EPB41L5: variants seen among roughly 807,000 people sequenced by gnomAD.
EPB41L5 encodes the protein erythrocyte membrane protein band 4.1 like 5.
Under a neutral mutation model 106.6 loss-of-function variants are expected in EPB41L5, and 55 were observed. That is an observed-to-expected ratio of 0.52 (90% CI 0.42 to 0.65). EPB41L5 has a LOEUF of 0.65. Among genes scored for constraint, EPB41L5 ranks in the 30% least tolerant of loss-of-function variants. EPB41L5 has a pLI of 0.00. For missense variants in EPB41L5, 871 were observed against 882.1 expected (o/e 0.99, Z 0.16); for synonymous variants, 297 against 306.7 (o/e 0.97, Z 0.33).
intron 24 of EPB41L5, among the ~76,000 whole-genome samples, chr2:120,172,566 G>T (rs1266015477): frequency 6.6e-6 from 1 of 152,154 alleles, no homozygotes; most frequent in Non-Finnish European, 1.5e-5. Context: ...TGTGAGATTA[G>T]AATACATTTT....
At chr2:120,030,662 T>C (rs998124592) in intron 2 of EPB41L5, among the ~76,000 whole-genome samples, 1 of 152,064 alleles carries the variant, frequency 6.6e-6, no homozygotes, top group Admixed American at 6.6e-5. Flanking sequence ...CAAGTGATTC[T>C]CCTGCCTCAG....
intron 16 of EPB41L5, among the ~76,000 whole-genome samples, chr2:120,101,106 G>C (rs1419868302): frequency 1.3e-5 from 2 of 152,174 alleles, no homozygotes; most frequent in African/African-American, 2.4e-5. Flanking sequence ...AGCTTGATGT[G>C]GTAGTGGTGG....
At chr2:120,162,367 C>A (rs1250933477) in intron 21 of EPB41L5, among the ~76,000 whole-genome samples, 1 of 152,202 alleles carries the variant, frequency 6.6e-6, no homozygotes, top group Non-Finnish European at 1.5e-5. Context: ...TGAACACTTA[C>A]CATTTGTCTT....
In EPB41L5 at chr2:120,070,520, CACA is replaced by C. The variant is rs564915828; in HGVS notation, c.286-2644_286-2642del. On this transcript the variant is annotated intron_variant, in intron 3 of 24. Transcript: ENST00000263713. ...TCCTGTTACCAAAACCTGGCAGAGA[CACA>C]ACAACAACAACAAAAGAAAATTTCA... 1.3e-3 allele frequency among the ~76,000 whole-genome samples: 198 copies of C among 152,214 alleles called. 1 individual carries two copies. Among genetic ancestry groups the C allele is most frequent in the Non-Finnish European group, 2.0e-3 (139 of 68,010 alleles).
chr2:120,066,982 T>C (rs912744790), intron 3 of EPB41L5, among the ~76,000 whole-genome samples: 5 of 152,202 alleles, frequency 3.3e-5, no homozygotes, highest in African/African-American at 1.2e-4. Flanking sequence ...TGTTTTTTGC[T>C]ACTGGCAGGC....
At chr2:120,043,829 G>A (rs556950284) in intron 3 of EPB41L5, among the ~76,000 whole-genome samples, 3 of 152,212 alleles carry the variant, frequency 2.0e-5, no homozygotes, top group Admixed American at 6.5e-5. Flanking sequence ...TTATAAGGCA[G>A]TATAATTGAA....
chr2:120,017,340 T>C (rs1677592686), intron 1 of EPB41L5, among the ~76,000 whole-genome samples: 1 of 152,244 alleles, frequency 6.6e-6, no homozygotes, highest in Non-Finnish European at 1.5e-5. Flanking sequence ...TGGTTATTGT[T>C]CGATCAGTAT....
At chr2:120,086,386 T>C (rs1287654812) in intron 10 of EPB41L5, among the ~76,000 whole-genome samples, 1 of 152,082 alleles carries the variant, frequency 6.6e-6, no homozygotes, top group Non-Finnish European at 1.5e-5. Flanking sequence ...AATTTACAAG[T>C]AGGGAGATAC....
chr2:120,074,423 T>C, intron 5 of EPB41L5: 1 of 361,654 alleles, frequency 2.8e-6, no homozygotes, highest in Non-Finnish European at 5.0e-6. Context: ...GTTCTTTTTT[T>C]TAAGTATCAC....
At chr2:120,019,359 TAAGTA>T (rs759600764) in intron 2 of EPB41L5, 95 bp downstream of exon 2, 3 of 1,176,892 alleles carry the variant, frequency 2.5e-6, no homozygotes, top group Non-Finnish European at 3.6e-6. Flanking sequence ...TGGATGGAAA[TAAGTA>T]AAGGTATTAT....
At position 120,149,599 on chromosome 2, in the gene EPB41L5, T is replaced by G. The variant is rs966859656; in HGVS notation, c.1793+3310T>G. On this transcript the variant is annotated intron_variant, in intron 20 of 24. Coordinates refer to ENST00000263713, the MANE Select transcript of EPB41L5 (RefSeq NM_020909.4). ...CTTTTATGGCTGTATAATATTTCAT[T>G]GTATGGATATACCACAGTTTGTTTA... Among the ~76,000 whole-genome samples, 41 of 152,250 alleles carry G rather than the reference T, an allele frequency of 2.7e-4. 1 individual carries two copies. The highest frequency in any genetic ancestry group is 8.0e-4 in the African/African-American group (33 of 41,464).
intron 18 of EPB41L5, among the ~76,000 whole-genome samples, chr2:120,142,124 AAAAAAAAAAAC>A (rs1686200643): frequency 6.6e-6 from 1 of 151,200 alleles, no homozygotes; most frequent in African/African-American, 2.4e-5. Context: ...AAAAAAAAAA[AAAAAAAAAAAC>A]AAGGTAAAAT....
chr2:120,092,309 G>C (rs1325469946), intron 13 of EPB41L5, among the ~76,000 whole-genome samples: 1 of 152,082 alleles, frequency 6.6e-6, no homozygotes, highest in Non-Finnish European at 1.5e-5. Flanking sequence ...AGGATTACAG[G>C]CATGCCTGGC....
At chr2:120,160,312 ACTT>A (rs1036014955) in intron 20 of EPB41L5, among the ~76,000 whole-genome samples, 2 of 152,088 alleles carry the variant, frequency 1.3e-5, no homozygotes, top group Non-Finnish European at 2.9e-5. Flanking sequence ...GGTTTCCTTT[ACTT>A]CTTTGTCCAC....
Position 120,154,151 on chromosome 2 carries a change from GTATTTATTTATT to G in EPB41L5, c.1794-6720_1794-6709del, listed in dbSNP as rs921015199. Among the ~76,000 whole-genome samples, 3 of 146,758 alleles carry G rather than the reference GTATTTATTTATT, an allele frequency of 2.0e-5. No homozygotes were observed. In the East Asian group the frequency reaches 6.0e-4, roughly 29 times the overall value. On this transcript the variant is annotated intron_variant, in intron 20 of 24. Transcript: ENST00000263713. ...TTCCTTTGCATTTCCTTCCCTATAT[GTATTTATTTATT>G]TATTTATTTTTTGAGACCAAGTTTC...
rs559609358 is a variant in EPB41L5, at chr2:120,014,966, A to G, written c.-9+1756A>G. Among the ~76,000 whole-genome samples the G allele has an allele frequency of 1.6e-3, 144 of 90,350 alleles. 1 individual carries two copies. In the Middle Eastern group the frequency reaches 0.025, roughly 16 times the overall value. The allele number at this position is 90,350 out of a possible 152,430, so 59.3% of individuals were successfully genotyped here. Reference sequence around the variant, plus strand: ...TGAGTATGAGAAAACTTTTTTCACAATCATTAAAAAAAAAAAAAACCCACA... The same window carrying G: ...TGAGTATGAGAAAACTTTTTTCACAGTCATTAAAAAAAAAAAAAACCCACA... On this transcript the variant is annotated intron_variant, in intron 1 of 24. Transcript: ENST00000263713.
chr2:120,104,271 T>C (rs926033394), intron 16 of EPB41L5: 1 of 1,523,038 alleles, frequency 6.6e-7, no homozygotes. Context: ...TGGGACTCTT[T>C]GTCATGCAAG....
intron 16 of EPB41L5, chr2:120,104,193 C>A (rs565319539): frequency 2.0e-6 from 3 of 1,535,824 alleles, no homozygotes; most frequent in Non-Finnish European, 2.6e-6. Flanking sequence ...TGCAGGAATC[C>A]GTCATGATGT....
intron 20 of EPB41L5, among the ~76,000 whole-genome samples, chr2:120,159,236 A>C (rs1687030604): frequency 6.6e-6 from 1 of 151,068 alleles, no homozygotes; most frequent in Non-Finnish European, 1.5e-5. Context: ...CATCCTGGCT[A>C]ACACAGTGAA....
Sources: allele counts gnomAD v4.1 joint callset (sites outside exome capture counted in the v4.1 genomes callset), GRCh38; gene constraint gnomAD v4.1.1; transcripts MANE v1.5; gene names NCBI Gene and HGNC (gene_info 2026-07-23, HGNC 2026-07-21).